ZDHHC2: variants seen among roughly 807,000 people sequenced by gnomAD.
ZDHHC2 encodes the protein zDHHC palmitoyltransferase 2.
A neutral mutation model predicts 55.6 loss-of-function variants in ZDHHC2; 51 were observed. The observed-to-expected ratio is 0.92, with a 90% confidence interval of 0.73 to 1.16. The LOEUF (loss-of-function observed/expected upper bound fraction) is 1.16, where lower values mean the gene tolerates loss of function less well. Among genes scored for constraint, ZDHHC2 ranks in the 50% most tolerant of loss-of-function variants. The probability of loss-of-function intolerance (pLI) is 0.00; values close to 1 mark genes in which losing one functional copy is unlikely to be tolerated. For synonymous variants in ZDHHC2, 199 were observed against 152.9 expected, an observed-to-expected ratio of 1.30 and a Z score of -2.22; for missense variants, 491 against 442.4, an observed-to-expected ratio of 1.11 and a Z score of -0.99.
intron 6 of ZDHHC2, among the ~76,000 whole-genome samples, chr8:17,202,461 G>T (rs984877327): frequency 6.6e-6 from 1 of 152,130 alleles, no homozygotes; most frequent in African/African-American, 2.4e-5. Flanking sequence ...AAGTCAGAAA[G>T]CAATTGCCCA....
At chr8:17,196,556 A>G (rs976867560) in intron 4 of ZDHHC2, among the ~76,000 whole-genome samples, 1 of 150,448 alleles carries the variant, frequency 6.6e-6, no homozygotes, top group African/African-American at 2.4e-5. Flanking sequence ...CCTGTCTCTA[A>G]AAAATAAAAT....
chr8:17,172,855 G>C, intron 1 of ZDHHC2, among the ~76,000 whole-genome samples: 1 of 152,146 alleles, frequency 6.6e-6, no homozygotes, highest in East Asian at 1.9e-4. Context: ...CCATTTTACT[G>C]TTGCTCTAGG....
chr8:17,172,178 C>T (rs1337741542), intron 1 of ZDHHC2, among the ~76,000 whole-genome samples: 1 of 152,180 alleles, frequency 6.6e-6, no homozygotes, highest in Non-Finnish European at 1.5e-5. Context: ...GCCTACTTTA[C>T]TTCTGTAAAA....
intron 8 of ZDHHC2, among the ~76,000 whole-genome samples, chr8:17,208,634 G>A (rs897930237): frequency 6.6e-5 from 10 of 151,918 alleles, no homozygotes; most frequent in Admixed American, 3.3e-4. Context: ...AATTACAGTG[G>A]GTAGTCAATT....
chr8:17,205,880 A>G (rs971876636), intron 7 of ZDHHC2, 105 bp downstream of exon 7: 43 of 1,112,298 alleles, frequency 3.9e-5, no homozygotes, highest in Non-Finnish European at 5.3e-5. Flanking sequence ...ACCAGAGCTC[A>G]TTGACATGCA....
chr8:17,165,061 A>G (rs1804536541), intron 1 of ZDHHC2, among the ~76,000 whole-genome samples: 1 of 152,250 alleles, frequency 6.6e-6, no homozygotes, highest in Non-Finnish European at 1.5e-5. Flanking sequence ...TTTGTAATGT[A>G]CATAGCACGT....
rs766336632 is a variant in ZDHHC2 at position 17,174,171 on chromosome 8, C to G, written c.131-10618C>G. On this transcript the variant is annotated intron_variant, in intron 1 of 12. Transcript: ENST00000262096. ...GTGGCGTAATCACAGCTCGTGCTGC[C>G]TCGACCACCCAGATTTAATCAATCT... Among the ~76,000 whole-genome samples the G allele has an allele frequency of 5.3e-5, 8 of 151,386 alleles. No individual in the cohort carries two copies. In the South Asian group the frequency reaches 6.3e-4, roughly 12 times the overall value.
At position 17,216,471 on chromosome 8, in the gene ZDHHC2, T is replaced by C. The variant is rs73669038; in HGVS notation, c.1064-701T>C. On this transcript the variant is annotated intron_variant, in intron 11 of 12. Transcript: ENST00000262096. ...CCTTCACACATGCCATTTCACTTTC[T>C]AATCTATGGCAAGGACTAGGCATTG... Among the ~76,000 whole-genome samples, 379 of 152,316 alleles carry C rather than the reference T, an allele frequency of 2.5e-3. 2 individuals are homozygous for C. The highest frequency in any genetic ancestry group is 8.9e-3 in the African/African-American group (371 of 41,582).
At chr8:17,212,263 G>T (rs1296145389) in intron 10 of ZDHHC2, among the ~76,000 whole-genome samples, 1 of 152,092 alleles carries the variant, frequency 6.6e-6, no homozygotes, top group Non-Finnish European at 1.5e-5. Flanking sequence ...TGAATATCTT[G>T]CTGTCTACTT....
intron 3 of ZDHHC2, among the ~76,000 whole-genome samples, chr8:17,190,798 C>T (rs1458866056): frequency 1.3e-5 from 2 of 151,892 alleles, no homozygotes; most frequent in Admixed American, 1.3e-4. Flanking sequence ...GTAATAATCA[C>T]ATCAGCGTAA....
At position 17,210,374 on chromosome 8, in the gene ZDHHC2, T is replaced by G; in HGVS notation, c.858-14T>G. 6.2e-7 allele frequency: 1 copy of G among 1,605,878 alleles called. No individual in the cohort carries two copies. Among genetic ancestry groups the G allele is most frequent in the Non-Finnish European group, 8.5e-7 (1 of 1,177,472 alleles). On this transcript the variant is annotated splice_polypyrimidine_tract_variant and intron_variant, in intron 9 of 12. Transcript: ENST00000262096. ...TTTGTATGGTTCAGTTCTAAATTTT[T>G]ATTTTAATTCTAGTCTAGGTGATGG...
Position 17,198,429 on chromosome 8 carries a change from AT to A in ZDHHC2, c.476+19del, listed in dbSNP as rs1246122023. On this transcript the variant is annotated intron_variant, in intron 6 of 12. Coordinates refer to ENST00000262096, the MANE Select transcript of ZDHHC2 (RefSeq NM_016353.5). ...ATTGTCCATGGTGAGTTGGCTGTAT[AT>A]TTAAACAAGTTTGTGTCCCTTGTAA... 4 of 1,593,162 alleles carry A rather than the reference AT, an allele frequency of 2.5e-6. No individual in the cohort carries two copies. The highest frequency in any genetic ancestry group is 2.6e-6 in the Non-Finnish European group (3 of 1,171,006).
intron 10 of ZDHHC2, 52 bp from the exon 11 acceptor site, chr8:17,215,185 C>G: frequency 6.8e-7 from 1 of 1,478,922 alleles, no homozygotes; most frequent in Non-Finnish European, 9.2e-7. Context: ...ATCAACTTTA[C>G]TATCAAAAAT....
At chr8:17,190,049 A>G (rs1319571932) in intron 3 of ZDHHC2, among the ~76,000 whole-genome samples, 2 of 152,164 alleles carry the variant, frequency 1.3e-5, no homozygotes, top group African/African-American at 4.8e-5. Context: ...CAGGACTTCA[A>G]TTGAAGCATG....
rs1807924942 is a variant in ZDHHC2, at chr8:17,221,694, A to G, written c.*1473A>G. The stretch of plus-strand genomic sequence containing the variant: ...TTTATATTAATTGTGCTTATGGAAG[A>G]AACAATGTCAGCCAAGTCCATTTTA... On this transcript the variant is annotated 3_prime_UTR_variant, in exon 13 of 13. Transcript: ENST00000262096. 6.6e-6 allele frequency: 1 copy of G among 152,542 alleles called. No homozygotes were observed. Among genetic ancestry groups the G allele is most frequent in the Non-Finnish European group, 1.5e-5 (1 of 67,948 alleles). The allele number at this position is 152,542 out of a possible 1,614,324, so 9.4% of individuals were successfully genotyped here.
chr8:17,167,575 C>T (rs1271516202), intron 1 of ZDHHC2, among the ~76,000 whole-genome samples: 8 of 152,028 alleles, frequency 5.3e-5, no homozygotes, highest in Admixed American at 1.3e-4. Flanking sequence ...GGATTATAGG[C>T]GTGAGCCACC....
chr8:17,200,028 T>C (rs1806663950), intron 6 of ZDHHC2, among the ~76,000 whole-genome samples: 1 of 152,168 alleles, frequency 6.6e-6, no homozygotes, highest in Non-Finnish European at 1.5e-5. Flanking sequence ...GTGCTGGGAT[T>C]ACAGGCGCGA....
intron 12 of ZDHHC2, among the ~76,000 whole-genome samples, chr8:17,218,286 C>G (rs1239654209): frequency 6.6e-6 from 1 of 152,098 alleles, no homozygotes; most frequent in Non-Finnish European, 1.5e-5. Flanking sequence ...TAGAATGTAA[C>G]TATGAATGTA....
chr8:17,206,729 A>G (rs1412402324), intron 7 of ZDHHC2, among the ~76,000 whole-genome samples: 1 of 152,196 alleles, frequency 6.6e-6, no homozygotes, highest in African/African-American at 2.4e-5. Flanking sequence ...TAAGATATCC[A>G]CAGGTCCTCC....
Sources: gnomAD v4.1 joint callset for allele counts (sites outside exome capture counted in the v4.1 genomes callset) on GRCh38, gnomAD v4.1.1 for gene constraint, MANE v1.5 for transcripts, NCBI Gene and HGNC (gene_info 2026-07-23, HGNC 2026-07-21) for gene names.